Variants in PDE4D observed in about 807,000 individuals in gnomAD.
PDE4D encodes the protein 3',5'-cyclic-AMP phosphodiesterase 4D.
In PDE4D, 24 loss-of-function variants were observed where a neutral mutation model predicts 87.4. The observed-to-expected ratio is 0.27, with a 90% CI of 0.20 to 0.39. PDE4D has a LOEUF of 0.39. Among genes scored for constraint, PDE4D ranks in the 10% least tolerant of loss-of-function variants. The pLI, the probability that PDE4D is intolerant of heterozygous loss-of-function variation, is 1.00. For synonymous variants in PDE4D, 384 were observed against 383.2 expected, an observed-to-expected ratio of 1.00 and a Z score of -0.02; for missense variants, 714 against 1,041.0, an observed-to-expected ratio of 0.69 and a Z score of 4.32.
intron 2 of PDE4D, among the ~76,000 whole-genome samples, chr5:59,215,162 C>T (rs949783066): frequency 6.6e-6 from 1 of 152,172 alleles, no homozygotes; most frequent in African/African-American, 2.4e-5. Flanking sequence ...TGCAAACCTG[C>T]TTGTCAGTTT....
At chr5:60,211,877 A>C (rs754092847) in intron 1 of PDE4D, among the ~76,000 whole-genome samples, 6 of 152,090 alleles carry the variant, frequency 3.9e-5, no homozygotes, top group Non-Finnish European at 8.8e-5. Flanking sequence ...AATGTCTTAA[A>C]ATATTTCCTG....
At chr5:59,782,762 T>G (rs927854670) in intron 1 of PDE4D, among the ~76,000 whole-genome samples, 12 of 152,220 alleles carry the variant, frequency 7.9e-5, no homozygotes, top group African/African-American at 2.9e-4. Flanking sequence ...AAATAGTAAA[T>G]GATAAGCAAT....
At chr5:60,283,783 T>G (rs1328417696) in intron 1 of PDE4D, among the ~76,000 whole-genome samples, 1 of 152,122 alleles carries the variant, frequency 6.6e-6, no homozygotes, top group Non-Finnish European at 1.5e-5. Flanking sequence ...GTGGCCATAC[T>G]CTTTGATAAA....
At chr5:59,515,844 T>C (rs528588449) in intron 1 of PDE4D, among the ~76,000 whole-genome samples, 2 of 152,310 alleles carry the variant, frequency 1.3e-5, no homozygotes, top group Admixed American at 1.3e-4. Flanking sequence ...CCAACTGTAC[T>C]GATGCGTGTC....
intron 1 of PDE4D, among the ~76,000 whole-genome samples, chr5:60,411,265 T>C (rs1331784778): frequency 6.6e-6 from 1 of 152,196 alleles, no homozygotes; most frequent in African/African-American, 2.4e-5. Context: ...AAAATCTATG[T>C]GAAAATAGTT....
chr5:59,058,654 G>T lies in PDE4D; in HGVS notation c.809-19683C>A, dbSNP rs147913156. ...AACTCCCCTCCCCTTGGAAATCTGG[G>T]TACTACCCTCTACCGGGGGCTTTCC... On this transcript the variant is annotated intron_variant, in intron 5 of 14. Transcript: ENST00000340635. Among the ~76,000 whole-genome samples the T allele has an allele frequency of 9.2e-5, 14 of 152,088 alleles. No individual in the cohort carries two copies. The East Asian group carries it at 1.4e-3, about 15-fold the overall frequency.
At chr5:59,610,152 G>C (rs1828800181) in intron 1 of PDE4D, among the ~76,000 whole-genome samples, 1 of 152,176 alleles carries the variant, frequency 6.6e-6, no homozygotes, top group African/African-American at 2.4e-5. Flanking sequence ...GTAGAGCAGA[G>C]ACCAGTACAA....
chr5:59,521,004 T>C lies in PDE4D; in HGVS notation c.456-305036A>G, dbSNP rs139698418. Among the ~76,000 whole-genome samples, 702 of 152,014 alleles carry C rather than the reference T, an allele frequency of 4.6e-3. 5 individuals are homozygous for C. The highest frequency in any genetic ancestry group is 0.015 in the African/African-American group (625 of 41,434). The stretch of plus-strand genomic sequence containing the variant: ...TGGAATAGAAACGTTCCTATAGATA[T>C]ACAAGGATCATTTATACTCCTAGGA... On this transcript the variant is annotated intron_variant, in intron 1 of 14. Transcript: ENST00000340635.
intron 5 of PDE4D, among the ~76,000 whole-genome samples, chr5:59,087,429 T>C (rs898680140): frequency 3.3e-5 from 5 of 152,200 alleles, no homozygotes; most frequent in African/African-American, 1.2e-4. Flanking sequence ...AAGGCTGCAA[T>C]GAGCCATGAT....
intron 3 of PDE4D, among the ~76,000 whole-genome samples, chr5:59,191,960 T>C (rs1373420302): frequency 1.3e-5 from 2 of 152,172 alleles, no homozygotes; most frequent in African/African-American, 4.8e-5. Flanking sequence ...AGTGTAAATT[T>C]TTTGGACACA....
chr5:59,675,752 C>A (rs1747963718), intron 1 of PDE4D, among the ~76,000 whole-genome samples: 1 of 152,118 alleles, frequency 6.6e-6, no homozygotes, highest in Non-Finnish European at 1.5e-5. Flanking sequence ...TGCAGTGGCG[C>A]AATCCTGGCT....
chr5:60,183,547 T>C (rs1784541823), intron 2 of PDE4D, among the ~76,000 whole-genome samples: 1 of 152,218 alleles, frequency 6.6e-6, no homozygotes, highest in Non-Finnish European at 1.5e-5. Context: ...GATGATCTTT[T>C]TTCTACCTCT....
intron 6 of PDE4D, among the ~76,000 whole-genome samples, chr5:59,006,555 C>T (rs1751661355): frequency 6.6e-6 from 1 of 151,864 alleles, no homozygotes; most frequent in Non-Finnish European, 1.5e-5. Context: ...GTACTCCAGC[C>T]TGGATGACAG....
chr5:60,280,721 C>T (rs1042362998), intron 1 of PDE4D, among the ~76,000 whole-genome samples: 2 of 152,158 alleles, frequency 1.3e-5, no homozygotes, highest in African/African-American at 4.8e-5. Flanking sequence ...TTACTTAACT[C>T]TTCATCAGTA....
chr5:60,440,407 C>T (rs1461153883), intron 1 of PDE4D, among the ~76,000 whole-genome samples: 3 of 152,068 alleles, frequency 2.0e-5, no homozygotes, highest in East Asian at 3.9e-4. Context: ...AAGATTTCTT[C>T]GTGTGTAATT....
chr5:59,785,572 G>A (rs1245982154), intron 1 of PDE4D, among the ~76,000 whole-genome samples: 1 of 152,212 alleles, frequency 6.6e-6, no homozygotes, highest in East Asian at 1.9e-4. Flanking sequence ...TGGTATTTCA[G>A]AGGATGAATA....
chr5:60,182,545 T>G (rs1784447714), intron 2 of PDE4D, among the ~76,000 whole-genome samples: 1 of 152,148 alleles, frequency 6.6e-6, no homozygotes. Flanking sequence ...GACAGGAGAA[T>G]GGCTTGAACT....
intron 8 of PDE4D, among the ~76,000 whole-genome samples, chr5:58,991,610 A>T (rs890514447): frequency 6.6e-6 from 1 of 152,130 alleles, no homozygotes; most frequent in African/African-American, 2.4e-5. Context: ...AAACAATGAA[A>T]TGAAGATGCA....
chr5:59,946,844 T>C (rs774826947), intron 3 of PDE4D, among the ~76,000 whole-genome samples: 3 of 152,252 alleles, frequency 2.0e-5, no homozygotes, highest in Non-Finnish European at 4.4e-5. Flanking sequence ...AACTCATTTT[T>C]ACCTTGTATA....
Sources: allele counts gnomAD v4.1 joint callset (sites outside exome capture counted in the v4.1 genomes callset), GRCh38; gene constraint gnomAD v4.1.1; transcripts MANE v1.5; gene names NCBI Gene and HGNC (gene_info 2026-07-23, HGNC 2026-07-21).